FAM135A: variants seen among roughly 807,000 people sequenced by gnomAD.
The protein encoded by FAM135A is family with sequence similarity 135 member A, also known as protein FAM135A.
FAM135A carries 79 observed loss-of-function variants against 146.8 expected under a neutral mutation model. That is an observed-to-expected ratio of 0.54 (90% CI 0.45 to 0.65). The LOEUF is 0.65. Among genes scored for constraint, FAM135A ranks in the 30% least tolerant of loss-of-function variants. FAM135A has a pLI of 0.00. For synonymous variants in FAM135A, 562 were observed against 603.6 expected (o/e 0.93, Z 1.01); for missense variants, 1,623 against 1,758.2 (o/e 0.92, Z 1.38).
chr6:70,539,660 T>G (rs1582845092), intron 20 of FAM135A, among the ~76,000 whole-genome samples: 1 of 152,222 alleles, frequency 6.6e-6, no homozygotes, highest in Admixed American at 6.5e-5. Flanking sequence ...CCATCTATTA[T>G]TCTTTAATAT....
chr6:70,454,989 G>C (rs1021725225), intron 5 of FAM135A, among the ~76,000 whole-genome samples: 2 of 152,052 alleles, frequency 1.3e-5, no homozygotes, highest in African/African-American at 4.8e-5. Flanking sequence ...AGCTTGATGG[G>C]GATGGCATTG....
chr6:70,533,138 A>G, intron 16 of FAM135A, 22 bp from the exon 17 acceptor site: 1 of 1,582,052 alleles, frequency 6.3e-7, no homozygotes, highest in Non-Finnish European at 8.7e-7. Context: ...TCATCCTTTA[A>G]ACATCATTTT....
intron 12 of FAM135A, among the ~76,000 whole-genome samples, chr6:70,517,566 C>T (rs1266424584): frequency 2.0e-5 from 3 of 151,856 alleles, no homozygotes; most frequent in Non-Finnish European, 4.4e-5. Flanking sequence ...TTACAGGTGC[C>T]TGCCACCATG....
intron 12 of FAM135A, among the ~76,000 whole-genome samples, chr6:70,518,592 A>G (rs1205718878): frequency 2.0e-5 from 3 of 151,994 alleles, no homozygotes; most frequent in Non-Finnish European, 2.9e-5. Flanking sequence ...GGGCAGGCTG[A>G]CTCTCTTGTT....
At chr6:70,473,622 T>C (rs1782037595) in intron 5 of FAM135A, among the ~76,000 whole-genome samples, 1 of 152,170 alleles carries the variant, frequency 6.6e-6, no homozygotes, top group Non-Finnish European at 1.5e-5. Context: ...GCCAATCTCC[T>C]GTCACTGCTT....
intron 12 of FAM135A, among the ~76,000 whole-genome samples, chr6:70,519,513 T>A (rs1793062643): frequency 6.6e-6 from 1 of 152,228 alleles, no homozygotes; most frequent in Non-Finnish European, 1.5e-5. Context: ...AGAAATCTTT[T>A]GTGAAAGGAA....
intron 20 of FAM135A, among the ~76,000 whole-genome samples, chr6:70,546,327 T>C (rs889808804): frequency 4.6e-5 from 7 of 152,228 alleles, no homozygotes; most frequent in African/African-American, 1.2e-4. Flanking sequence ...TTGGATGCCC[T>C]GGTTTGATTA....
chr6:70,489,993 G>C (rs931212144), intron 10 of FAM135A, among the ~76,000 whole-genome samples: 1 of 152,104 alleles, frequency 6.6e-6, no homozygotes, highest in Non-Finnish European at 1.5e-5. Context: ...TTGCCTGCTC[G>C]TATCTGGCCG....
intron 4 of FAM135A, among the ~76,000 whole-genome samples, chr6:70,437,689 C>T (rs1165604309): frequency 3.3e-5 from 5 of 152,000 alleles, no homozygotes; most frequent in South Asian, 4.2e-4. Context: ...TTCCAGAGCA[C>T]GATGGGAGAG....
At chr6:70,414,150 G>A in intron 1 of FAM135A, 1 of 611,516 alleles carries the variant, frequency 1.6e-6, no homozygotes, top group Non-Finnish European at 2.0e-6. Context: ...GCGTATCTCT[G>A]TGCTTCCATC....
In FAM135A at chr6:70,538,313, G is replaced by GA; in HGVS notation, c.4146dup (p.Ser1383IlefsTer22). 3 of 1,516,306 alleles carry GA rather than the reference G, an allele frequency of 2.0e-6. No homozygotes were observed. Among genetic ancestry groups the GA allele is most frequent in the African/African-American group, 1.4e-5 (1 of 72,584 alleles). The allele number at this position is 1,516,306 out of a possible 1,614,324, so 93.9% of individuals were successfully genotyped here. A position where few individuals can be genotyped will look rare whatever the true frequency, so the allele number is the denominator to read the frequency against. The stretch of plus-strand genomic sequence containing the variant: ...TAGGTCTCTGGTTTATGCAGAAATG[G>GA]AAAAAATCAGGTTCGCTTTTGCAGC... On this transcript the variant is annotated frameshift_variant, in exon 20 of 22. Coordinates refer to ENST00000418814, the MANE Select transcript of FAM135A (RefSeq NM_001162529.3). LOFTEE classifies it high-confidence loss of function.
intron 16 of FAM135A, 25 bp from the exon 17 acceptor site, chr6:70,533,135 T>C (rs1796143471): frequency 6.3e-7 from 1 of 1,576,680 alleles, no homozygotes; most frequent in Admixed American, 1.7e-5. Flanking sequence ...ATCTCATCCT[T>C]TAAACATCAT....
chr6:70,449,942 T>A (rs1467140461), intron 4 of FAM135A, among the ~76,000 whole-genome samples: 1 of 152,174 alleles, frequency 6.6e-6, no homozygotes, highest in Admixed American at 6.5e-5. Context: ...GTTTTCTTTT[T>A]GATAATAGCC....
chr6:70,485,168 G>A (rs572086841), intron 10 of FAM135A, among the ~76,000 whole-genome samples: 2 of 152,030 alleles, frequency 1.3e-5, no homozygotes, highest in East Asian at 1.9e-4. Flanking sequence ...TATATTTCTC[G>A]AATGAATGAA....
rs1298036098 is a variant in FAM135A at position 70,526,067 on chromosome 6, A to T, written c.2983A>T (p.Thr995Ser). The stretch of plus-strand genomic sequence containing the variant: ...TAATACAGATGTTAGTGAAGATAGA[A>T]CTATGAAAAAAAATAGTGATGTATT... ...SSNTDVSEDRTMKKNSDVLNL... is the reference protein window; with the variant it reads ...SSNTDVSEDRSMKKNSDVLNL... The change falls in exon 15 of 22, where the codon ACT becomes TCT. Residue 995 changes from threonine (T) to serine (S), a missense_variant. Physicochemically the swap from Thr to Ser is moderately conservative, Grantham distance 58. Transcript: ENST00000418814. The T allele has an allele frequency of 6.2e-7, 1 of 1,612,732 alleles. No homozygotes were observed. Among genetic ancestry groups the T allele is most frequent in the South Asian group, 1.1e-5 (1 of 90,842 alleles).
Position 70,524,459 on chromosome 6 carries a change from G to A in FAM135A, c.1375G>A (p.Val459Ile), listed in dbSNP as rs1312055105. The A allele has an allele frequency of 1.9e-6, 3 of 1,550,720 alleles. No homozygotes were observed. The African/African-American group carries it at 4.1e-5, about 21-fold the overall frequency. The stretch of plus-strand genomic sequence containing the variant: ...AGGACTTTCTAGCCCAGAGTTGAAA[G>A]TCAGACCTGCTGGTGCCTCCAGTAT... ...VAGLSSPELK[V>I]RPAGASSIWY... The change falls in exon 15 of 22, where the codon GTC becomes ATC. Residue 459 changes from valine (V) to isoleucine (I), a missense_variant. This residue lies in a region of FAM135A where 1,061 missense variants were observed against 1,113.8 expected (regional missense o/e 0.95). Coordinates refer to ENST00000418814, the MANE Select transcript of FAM135A (RefSeq NM_001162529.3).
At chr6:70,417,718 G>T in intron 2 of FAM135A, 2 of 663,038 alleles carry the variant, frequency 3.0e-6, no homozygotes, top group African/African-American at 2.0e-5. Flanking sequence ...CAAGTCAAGG[G>T]CTTACATTGG....
At chr6:70,463,902 C>A (rs1481455222) in intron 5 of FAM135A, among the ~76,000 whole-genome samples, 1 of 152,122 alleles carries the variant, frequency 6.6e-6, no homozygotes, top group Non-Finnish European at 1.5e-5. Context: ...TGTCTTTTTA[C>A]CTGGTTTAAG....
At chr6:70,421,104 A>T (rs1768723023) in intron 2 of FAM135A, among the ~76,000 whole-genome samples, 2 of 151,724 alleles carry the variant, frequency 1.3e-5, no homozygotes, top group South Asian at 4.2e-4. Context: ...CTGGTCTCGA[A>T]CTCCTGAGAG....
Sources: gnomAD v4.1 joint callset for allele counts (sites outside exome capture counted in the v4.1 genomes callset) on GRCh38, gnomAD v4.1.1 for gene constraint, gnomAD v4.1.1 regional missense constraint, MANE v1.5 for transcripts, NCBI Gene and HGNC (gene_info 2026-07-23, HGNC 2026-07-21) for gene names.